The following ADGRA3 variants were observed in gnomAD, a reference collection of about 807,000 sequenced individuals.
ADGRA3 encodes G-protein coupled receptor 125.
Under a neutral mutation model 119.8 loss-of-function variants are expected in ADGRA3, and 56 were observed. The ratio of observed to expected loss-of-function variants is 0.47; its 90% CI spans 0.38 to 0.58. The LOEUF (loss-of-function observed/expected upper bound fraction) is 0.58, where lower values mean the gene tolerates loss of function less well. Ranked by LOEUF, ADGRA3 falls within the 20% of genes least tolerant of loss-of-function variation. ADGRA3 has a pLI of 0.00. For missense variants in ADGRA3, 1,516 were observed against 1,649.0 expected (o/e 0.92, Z 1.40); for synonymous variants, 607 against 623.8 (o/e 0.97, Z 0.40).
chr4:22,480,314 G>A, intron 1 of ADGRA3, among the ~76,000 whole-genome samples: 1 of 152,078 alleles, frequency 6.6e-6, no homozygotes, highest in East Asian at 1.9e-4. Flanking sequence ...TTTTCACAGT[G>A]GGGGAAAAAT....
At chr4:22,405,566 A>T (rs1357924365) in intron 14 of ADGRA3, among the ~76,000 whole-genome samples, 1 of 150,796 alleles carries the variant, frequency 6.6e-6, no homozygotes, top group East Asian at 1.9e-4. Context: ...AAAAAAAATT[A>T]AATTAAAATT....
intron 17 of ADGRA3, among the ~76,000 whole-genome samples, chr4:22,391,112 T>C (rs1714115025): frequency 6.6e-6 from 1 of 152,118 alleles, no homozygotes; most frequent in Non-Finnish European, 1.5e-5. Flanking sequence ...GGTCCAAGTA[T>C]CGTTCTTTTC....
chr4:22,421,162 A>C lies in ADGRA3; in HGVS notation c.1606-73T>G, dbSNP rs1012715391. On this transcript the variant is annotated intron_variant, in intron 11 of 18. Coordinates refer to ENST00000334304, the MANE Select transcript of ADGRA3 (RefSeq NM_145290.4). Reference sequence around the variant, plus strand: ...GGAAAAGCACTTTCAAAGACTTTTCAAACACAAAACACTATGCATTAGCCA... The same window carrying C: ...GGAAAAGCACTTTCAAAGACTTTTCCAACACAAAACACTATGCATTAGCCA... The C allele has an allele frequency of 1.2e-5, 15 of 1,241,960 alleles. 1 individual carries two copies. The Admixed American group carries it at 2.8e-4, about 23-fold the overall frequency. 76.9% of individuals were successfully genotyped at this position (1,241,960 alleles called of 1,614,324 possible). A position where few individuals can be genotyped will look rare whatever the true frequency, so the allele number is the denominator to read the frequency against.
chr4:22,437,189 G>T (rs544344318), intron 8 of ADGRA3, among the ~76,000 whole-genome samples: 1 of 152,208 alleles, frequency 6.6e-6, no homozygotes, highest in East Asian at 1.9e-4. Context: ...TTAAAAGCAT[G>T]TACTATAAAT....
intron 16 of ADGRA3, among the ~76,000 whole-genome samples, chr4:22,397,014 T>C (rs1295665956): frequency 1.3e-5 from 2 of 152,100 alleles, no homozygotes; most frequent in East Asian, 3.9e-4. Context: ...CTGAGTACTC[T>C]CCTAATAGAG....
chr4:22,502,464 G>C (rs573492993), intron 1 of ADGRA3, among the ~76,000 whole-genome samples: 1 of 152,276 alleles, frequency 6.6e-6, no homozygotes, highest in African/African-American at 2.4e-5. Flanking sequence ...GACAGCAATA[G>C]GCTGAAACTG....
At chr4:22,468,744 G>C (rs1379587787) in intron 2 of ADGRA3, among the ~76,000 whole-genome samples, 2 of 151,060 alleles carry the variant, frequency 1.3e-5, no homozygotes, top group East Asian at 3.9e-4. Flanking sequence ...ACTCCAGCTT[G>C]GGCAACAGAG....
At chr4:22,398,152 A>G (rs1714446660) in intron 16 of ADGRA3, 3 of 979,274 alleles carry the variant, frequency 3.1e-6, no homozygotes, top group Non-Finnish European at 2.4e-6. Context: ...AAACAAAAAT[A>G]TATCACACAG....
chr4:22,462,481 T>C (rs1243030782), intron 2 of ADGRA3, among the ~76,000 whole-genome samples: 1 of 151,980 alleles, frequency 6.6e-6, no homozygotes, highest in Non-Finnish European at 1.5e-5. Context: ...ACCCGGCTAA[T>C]TTTTTGTATT....
chr4:22,409,898 G>A (rs1436822674), intron 14 of ADGRA3, among the ~76,000 whole-genome samples: 3 of 152,148 alleles, frequency 2.0e-5, no homozygotes, highest in Non-Finnish European at 4.4e-5. Context: ...ACGAGAGATA[G>A]GTAGGACTTC....
At chr4:22,496,755 C>T (rs1162014189) in intron 1 of ADGRA3, among the ~76,000 whole-genome samples, 1 of 152,180 alleles carries the variant, frequency 6.6e-6, no homozygotes, top group Non-Finnish European at 1.5e-5. Flanking sequence ...CTGATATATA[C>T]AAAAGGCCAT....
At chr4:22,475,524 G>A (rs1333368973) in intron 1 of ADGRA3, among the ~76,000 whole-genome samples, 8 of 152,070 alleles carry the variant, frequency 5.3e-5, no homozygotes, top group East Asian at 1.9e-4. Flanking sequence ...TCAGGAGATC[G>A]AGACCATCCT....
rs758572665 is a variant in ADGRA3 at position 22,413,339 on chromosome 4, C to T, written c.2075G>A (p.Arg692Gln). Reference sequence around the variant, plus strand: ...AACAGCATCTGCTCCATGTGCAATTCGACGCAGTGTCACATTAACAGGGAT... The same window carrying T: ...AACAGCATCTGCTCCATGTGCAATTTGACGCAGTGTCACATTAACAGGGAT... Reference protein sequence around the residue: ...HHIPVNVTLRRIAHGADAVAA... With the variant: ...HHIPVNVTLRQIAHGADAVAA... The change falls in exon 14 of 19, where the codon CGA (arginine) becomes CAA (glutamine). Residue 692 changes from arginine (R) to glutamine (Q), a missense_variant. By Grantham distance (43) the Arg-to-Gln change is conservative. Around this residue, in one of 2 missense-constraint regions of ADGRA3, gnomAD observed 1,088 missense variants for 1,107.1 expected, o/e 0.98. Transcript: ENST00000334304. 15 of 1,614,058 alleles carry T rather than the reference C, an allele frequency of 9.3e-6. No individual in the cohort carries two copies. The South Asian group carries it at 9.9e-5, about 11-fold the overall frequency.
intron 14 of ADGRA3, among the ~76,000 whole-genome samples, chr4:22,405,255 T>C (rs1256360349): frequency 6.6e-6 from 1 of 152,150 alleles, no homozygotes; most frequent in African/African-American, 2.4e-5. Flanking sequence ...TCAGTTATTT[T>C]TGGCCAGGCA....
chr4:22,496,463 T>C (rs980205831), intron 1 of ADGRA3, among the ~76,000 whole-genome samples: 2 of 152,256 alleles, frequency 1.3e-5, no homozygotes, highest in Non-Finnish European at 2.9e-5. Context: ...ACATTTTCAA[T>C]GGATCATCTG....
intron 3 of ADGRA3, among the ~76,000 whole-genome samples, chr4:22,460,822 G>A (rs1717418323): frequency 6.6e-6 from 1 of 152,106 alleles, no homozygotes; most frequent in African/African-American, 2.4e-5. Flanking sequence ...CCACCCCAAG[G>A]GTCTGCAAGA....
intron 2 of ADGRA3, among the ~76,000 whole-genome samples, chr4:22,464,344 T>C (rs1309723086): frequency 6.6e-6 from 1 of 152,128 alleles, no homozygotes; most frequent in Non-Finnish European, 1.5e-5. Flanking sequence ...TCTGAAAAGA[T>C]CTGAAAAAGT....
intron 3 of ADGRA3, among the ~76,000 whole-genome samples, chr4:22,458,308 C>T (rs1211301058): frequency 6.6e-6 from 1 of 152,158 alleles, no homozygotes; most frequent in Non-Finnish European, 1.5e-5. Context: ...TGCTGCCCCT[C>T]AACTCCCTAA....
intron 1 of ADGRA3, among the ~76,000 whole-genome samples, chr4:22,480,556 G>C (rs1369506055): frequency 1.3e-5 from 2 of 151,416 alleles, no homozygotes; most frequent in Non-Finnish European, 2.9e-5. Flanking sequence ...AACTATGGAG[G>C]GTAAAAGTAT....
Sources: gnomAD v4.1 joint callset for allele counts (sites outside exome capture counted in the v4.1 genomes callset) on GRCh38, gnomAD v4.1.1 for gene constraint, gnomAD v4.1.1 regional missense constraint, MANE v1.5 for transcripts, NCBI Gene and HGNC (gene_info 2026-07-23, HGNC 2026-07-21) for gene names.